ENDOD1: variants seen among roughly 807,000 people sequenced by gnomAD.
ENDOD1 encodes endonuclease domain containing 1.
ENDOD1 carries 9 observed loss-of-function variants against 6.5 expected under a neutral mutation model. That is an observed-to-expected ratio of 1.39 (90% confidence interval 0.84 to 2.43). The LOEUF (loss-of-function observed/expected upper bound fraction) is 2.43, where lower values mean the gene tolerates loss of function less well. Among genes scored for constraint, ENDOD1 ranks in the 30% most tolerant of loss-of-function variants. The probability of loss-of-function intolerance (pLI) is 0.00; values close to 1 mark genes in which losing one functional copy is unlikely to be tolerated. For missense variants in ENDOD1, 648 were observed against 635.5 expected (o/e 1.02, Z -0.21); for synonymous variants, 255 against 255.2 (o/e 1.00, Z 0.01).
Position 95,129,438 on chromosome 11 carries a change from C to T in ENDOD1, c.1362C>T (p.Asp454=), listed in dbSNP as rs1306956202. 6.2e-6 allele frequency: 10 copies of T among 1,614,098 alleles called. No individual in the cohort carries two copies. The East Asian group carries it at 1.1e-4, about 18-fold the overall frequency. Residue 454 remains aspartate (D), a synonymous_variant, in exon 2 of 2, where the codon GAC becomes GAT. Transcript: ENST00000278505. ...TMGAIPIVCK[D]IALGLGGTVS... is the part of the protein sequence containing the mutation. Reference sequence around the variant, plus strand: ...GCGCTATTCCAATTGTTTGCAAGGACATTGCACTGGGCCTTGGTGGCACTG... The same window carrying T: ...GCGCTATTCCAATTGTTTGCAAGGATATTGCACTGGGCCTTGGTGGCACTG...
intron 1 of ENDOD1, among the ~76,000 whole-genome samples, chr11:95,103,939 G>A (rs1555111182): frequency 1.3e-5 from 2 of 152,186 alleles, no homozygotes; most frequent in East Asian, 1.9e-4. Context: ...ATGCTCCTGT[G>A]TCTGTGGGGT....
At chr11:95,105,886 A>G (rs1019621597) in intron 1 of ENDOD1, among the ~76,000 whole-genome samples, 8 of 152,194 alleles carry the variant, frequency 5.3e-5, no homozygotes, top group Admixed American at 3.9e-4. Flanking sequence ...ATGGGGATGC[A>G]CCTAGGGACT....
chr11:95,120,844 C>T (rs1160978501), intron 1 of ENDOD1, among the ~76,000 whole-genome samples: 1 of 152,182 alleles, frequency 6.6e-6, no homozygotes, highest in Non-Finnish European at 1.5e-5. Context: ...AAGTTCCAAC[C>T]ACTGGGATTG....
rs1275240837 is a variant in ENDOD1 at position 95,132,195 on chromosome 11, TC to T, written c.*2617del. ...TGGAGCTGATTTTCTAGTCTGTGGATCAGCTATGCCTTTGGACACTTCTCTT... is the reference window on the plus strand; with the variant it reads ...TGGAGCTGATTTTCTAGTCTGTGGATAGCTATGCCTTTGGACACTTCTCTT... On this transcript the variant is annotated 3_prime_UTR_variant, in exon 2 of 2. Transcript: ENST00000278505. 3.9e-5 allele frequency: 6 copies of T among 152,702 alleles called. No individual in the cohort carries two copies. The highest frequency in any genetic ancestry group is 7.3e-5 in the Non-Finnish European group (5 of 68,070). The allele number at this position is 152,702 out of a possible 1,614,324, so 9.5% of individuals were successfully genotyped here.
At chr11:95,100,848 C>T (rs1859031934) in intron 1 of ENDOD1, among the ~76,000 whole-genome samples, 1 of 96,644 alleles carries the variant, frequency 1.0e-5, no homozygotes, top group Admixed American at 1.3e-4. Flanking sequence ...TATCATAGAT[C>T]TTTGTACCTG....
intron 1 of ENDOD1, among the ~76,000 whole-genome samples, chr11:95,124,836 C>T (rs143646948): frequency 6.6e-6 from 1 of 152,304 alleles, no homozygotes; most frequent in East Asian, 1.9e-4. Context: ...CCTCTGATTG[C>T]AGCACTGGAA....
chr11:95,110,587 G>A (rs1226547937), intron 1 of ENDOD1, among the ~76,000 whole-genome samples: 1 of 135,680 alleles, frequency 7.4e-6, no homozygotes. Context: ...GTATGTATGT[G>A]TGTGTGTGTG....
At chr11:95,092,872 T>C (rs1858944458) in intron 1 of ENDOD1, among the ~76,000 whole-genome samples, 2 of 152,242 alleles carry the variant, frequency 1.3e-5, no homozygotes, top group Non-Finnish European at 2.9e-5. Flanking sequence ...CATTTTATAA[T>C]GCTGAGTCTC....
At chr11:95,105,151 G>A (rs1350086947) in intron 1 of ENDOD1, among the ~76,000 whole-genome samples, 1 of 152,226 alleles carries the variant, frequency 6.6e-6, no homozygotes, top group Non-Finnish European at 1.5e-5. Context: ...GGCCTGGCTG[G>A]AAACAGATGG....
Position 95,089,922 on chromosome 11 carries a change from G to A in ENDOD1, c.-6G>A, listed in dbSNP as rs2134158299. ...GCTCGGCCCCGCCGCGCTCGCAGAG[G>A]CCGCCATGGGCACCGCGCGCTGGCT... On this transcript the variant is annotated 5_prime_UTR_variant, in exon 1 of 2. Coordinates refer to ENST00000278505, the MANE Select transcript of ENDOD1 (RefSeq NM_015036.3). 3 of 1,381,268 alleles carry A rather than the reference G, an allele frequency of 2.2e-6. No individual in the cohort carries two copies. Among genetic ancestry groups the A allele is most frequent in the South Asian group, 3.4e-5 (2 of 58,328 alleles). 85.6% of individuals were successfully genotyped at this position (1,381,268 alleles called of 1,614,324 possible). A position where few individuals can be genotyped will look rare whatever the true frequency, so the allele number is the denominator to read the frequency against.
chr11:95,115,181 A>G (rs1413411639), intron 1 of ENDOD1, among the ~76,000 whole-genome samples: 1 of 152,090 alleles, frequency 6.6e-6, no homozygotes, highest in African/African-American at 2.4e-5. Flanking sequence ...AGTGTGTTAT[A>G]GTTTTCATTA....
rs1275417906 is a variant in ENDOD1 at position 95,129,583 on chromosome 11, C to A, written c.*4C>A. On this transcript the variant is annotated 3_prime_UTR_variant, in exon 2 of 2. Coordinates refer to ENST00000278505, the MANE Select transcript of ENDOD1 (RefSeq NM_015036.3). ...TGACAATTCTGGGGAGTTATAAACT[C>A]AAAAAACTAATAGTATCCAGTCACA... The A allele has an allele frequency of 2.5e-6, 4 of 1,600,518 alleles. No homozygotes were observed. The highest frequency in any genetic ancestry group is 1.1e-5 in the South Asian group (1 of 89,016).
intron 1 of ENDOD1, among the ~76,000 whole-genome samples, chr11:95,100,877 T>C (rs1194703279): frequency 6.8e-6 from 1 of 147,210 alleles, no homozygotes; most frequent in African/African-American, 2.5e-5. Flanking sequence ...TTTTTTTTTT[T>C]TTTTTTTTTG....
chr11:95,123,163 T>A (rs1356628894), intron 1 of ENDOD1, among the ~76,000 whole-genome samples: 1 of 148,842 alleles, frequency 6.7e-6, no homozygotes, highest in Non-Finnish European at 1.5e-5. Context: ...CACTGCAGCC[T>A]GAGCAACAGA....
At chr11:95,124,072 A>G (rs1859288735) in intron 1 of ENDOD1, among the ~76,000 whole-genome samples, 1 of 152,224 alleles carries the variant, frequency 6.6e-6, no homozygotes, top group South Asian at 2.1e-4. Flanking sequence ...GAAAAACCAA[A>G]CAGAGAAATC....
At chr11:95,113,068 T>C (rs1322773314) in intron 1 of ENDOD1, among the ~76,000 whole-genome samples, 1 of 151,912 alleles carries the variant, frequency 6.6e-6, no homozygotes, top group African/African-American at 2.4e-5. Flanking sequence ...AGTAGGTGTA[T>C]ATATTTATTG....
chr11:95,112,598 T>G (rs1258284829), intron 1 of ENDOD1, among the ~76,000 whole-genome samples: 1 of 152,234 alleles, frequency 6.6e-6, no homozygotes, highest in African/African-American at 2.4e-5. Flanking sequence ...GGCTGCCTGT[T>G]TCTGCCTTAA....
chr11:95,123,151 T>G (rs562100701), intron 1 of ENDOD1, among the ~76,000 whole-genome samples: 2 of 150,304 alleles, frequency 1.3e-5, no homozygotes, highest in Admixed American at 1.3e-4. Flanking sequence ...ATCAGGCCAC[T>G]GCACTGCAGC....
chr11:95,111,327 A>G (rs1406642663), intron 1 of ENDOD1, among the ~76,000 whole-genome samples: 1 of 152,170 alleles, frequency 6.6e-6, no homozygotes, highest in African/African-American at 2.4e-5. Flanking sequence ...CACCAGGGAC[A>G]GGTTTCATGG....
Sources: gnomAD v4.1 joint callset for allele counts (sites outside exome capture counted in the v4.1 genomes callset) on GRCh38, gnomAD v4.1.1 for gene constraint, MANE v1.5 for transcripts, NCBI Gene and HGNC (gene_info 2026-07-23, HGNC 2026-07-21) for gene names.